Variants in FAT3 observed in about 807,000 individuals in gnomAD.
FAT3 encodes FAT atypical cadherin 3, also known as protocadherin Fat 3.
In FAT3, 95 loss-of-function variants were observed where a neutral mutation model predicts 310.2. That is an observed-to-expected ratio of 0.31 (90% CI 0.26 to 0.36). The LOEUF (loss-of-function observed/expected upper bound fraction) is 0.36. Ranked by LOEUF, FAT3 falls within the 10% of genes least tolerant of loss-of-function variation. The pLI is 1.00. For synonymous variants in FAT3, 2,314 were observed against 2,192.9 expected (o/e 1.06, Z -1.54); for missense variants, 5,408 against 5,715.6 (o/e 0.95, Z 1.74).
chr11:92,550,230 G>C (rs1018101028), intron 3 of FAT3, among the ~76,000 whole-genome samples: 4 of 152,040 alleles, frequency 2.6e-5, no homozygotes, highest in African/African-American at 9.7e-5. Context: ...TTTCCAAAAG[G>C]GGTCTTTTTT....
chr11:92,336,059 C>T (rs1410637403), intron 1 of FAT3: 5 of 504,326 alleles, frequency 9.9e-6, no homozygotes, highest in East Asian at 5.6e-5. Flanking sequence ...GCAACTGGAT[C>T]GTGCTGGGGT....
chr11:92,235,277 TCC>T, intron 1 of FAT3, among the ~76,000 whole-genome samples: 1 of 152,040 alleles, frequency 6.6e-6, no homozygotes, highest in Non-Finnish European at 1.5e-5. Context: ...CCTTTATCTC[TCC>T]CAACCCTCTC....
chr11:92,306,334 C>T (rs546547041), intron 1 of FAT3, among the ~76,000 whole-genome samples: 1 of 150,592 alleles, frequency 6.6e-6, no homozygotes, highest in African/African-American at 2.4e-5. Context: ...TGGGGGTGCT[C>T]TTAGTAGAGT....
chr11:92,258,443 A>G (rs188122512), intron 1 of FAT3, among the ~76,000 whole-genome samples: 85 of 152,228 alleles, frequency 5.6e-4, no homozygotes, highest in African/African-American at 2.0e-3. Flanking sequence ...CACTAGCTGC[A>G]GTCTTGATTG....
intron 2 of FAT3, among the ~76,000 whole-genome samples, chr11:92,419,468 T>A (rs186377866): frequency 6.6e-6 from 1 of 152,282 alleles, no homozygotes; most frequent in East Asian, 1.9e-4. Context: ...TGGTATAGGA[T>A]GCCTAGAACA....
intron 7 of FAT3, among the ~76,000 whole-genome samples, chr11:92,785,094 C>T (rs1030451742): frequency 6.6e-6 from 1 of 152,000 alleles, no homozygotes; most frequent in Non-Finnish European, 1.5e-5. Flanking sequence ...TGTCCCATGT[C>T]CAGCTGACTC....
intron 2 of FAT3, among the ~76,000 whole-genome samples, chr11:92,418,949 T>G (rs1950479643): frequency 6.6e-6 from 1 of 152,114 alleles, no homozygotes; most frequent in South Asian, 2.1e-4. Flanking sequence ...GAAAACATTT[T>G]TATAGTATCT....
At chr11:92,306,617 AT>A (rs1476355088) in intron 1 of FAT3, among the ~76,000 whole-genome samples, 2 of 124,038 alleles carry the variant, frequency 1.6e-5, no homozygotes, top group African/African-American at 6.1e-5. Flanking sequence ...TATATTATAT[AT>A]TTATATTATA....
At chr11:92,335,373 C>T (rs1176043200) in intron 1 of FAT3, among the ~76,000 whole-genome samples, 2 of 151,988 alleles carry the variant, frequency 1.3e-5, no homozygotes, top group Admixed American at 6.6e-5. Context: ...GTTTTGCAAT[C>T]GATTAGATGA....
At chr11:92,306,597 A>G (rs1450192370) in intron 1 of FAT3, among the ~76,000 whole-genome samples, 9 of 123,084 alleles carry the variant, frequency 7.3e-5, no homozygotes, top group African/African-American at 3.0e-4. Flanking sequence ...TATTATATAT[A>G]TTATATATTT....
At chr11:92,403,412 G>T (rs367726579) in intron 2 of FAT3, 2 of 152,108 alleles carry the variant, frequency 1.3e-5, no homozygotes, top group Non-Finnish European at 2.9e-5. Flanking sequence ...AATGTTCTTT[G>T]TAACATTGAG....
intron 1 of FAT3, among the ~76,000 whole-genome samples, chr11:92,225,683 C>T (rs1863875449): frequency 6.6e-6 from 1 of 152,024 alleles, no homozygotes; most frequent in Non-Finnish European, 1.5e-5. Context: ...AGAGAGGGAG[C>T]CCAGCCTCCA....
intron 2 of FAT3, among the ~76,000 whole-genome samples, chr11:92,447,818 G>A (rs1228367187): frequency 6.6e-6 from 1 of 151,966 alleles, no homozygotes. Flanking sequence ...GGCTAATCTT[G>A]TGAGCAGTAG....
chr11:92,478,953 T>TTTCTTTCTTTC (rs373667758), intron 2 of FAT3, among the ~76,000 whole-genome samples: 24 of 103,986 alleles, frequency 2.3e-4, no homozygotes, highest in Non-Finnish European at 3.8e-4. Flanking sequence ...TCTTTCTTTC[T>TTTCTTTCTTTC]TTTCTTTTCT....
chr11:92,382,594 C>T (rs1486555160), intron 2 of FAT3, among the ~76,000 whole-genome samples: 1 of 152,066 alleles, frequency 6.6e-6, no homozygotes. Context: ...ATCCTTCTGC[C>T]ACCATCTAGA....
At chr11:92,857,140 C>A in intron 19 of FAT3, 74 bp from the exon 20 acceptor site, 1 of 1,607,470 alleles carries the variant, frequency 6.2e-7, no homozygotes, top group East Asian at 2.2e-5. Flanking sequence ...TCCCTTTGAA[C>A]CTTTTCTATC....
intron 13 of FAT3, among the ~76,000 whole-genome samples, chr11:92,815,427 G>T (rs765221559): frequency 6.6e-6 from 1 of 151,914 alleles, no homozygotes; most frequent in Non-Finnish European, 1.5e-5. Context: ...CAAAAAATTC[G>T]CCGGGCGTGG....
At chr11:92,616,841 A>C (rs1162718028) in intron 3 of FAT3, among the ~76,000 whole-genome samples, 1 of 152,044 alleles carries the variant, frequency 6.6e-6, no homozygotes, top group East Asian at 1.9e-4. Flanking sequence ...CTGCCGAGAG[A>C]TCTGCTGTTA....
chr11:92,288,983 G>T (rs569431778), intron 1 of FAT3, among the ~76,000 whole-genome samples: 108 of 152,218 alleles, frequency 7.1e-4, no homozygotes, highest in African/African-American at 2.4e-3. Context: ...CCTCAGAACT[G>T]CTGGAGCCTA....
Sources: gnomAD v4.1 joint callset for allele counts (sites outside exome capture counted in the v4.1 genomes callset) on GRCh38, gnomAD v4.1.1 for gene constraint, MANE v1.5 for transcripts, NCBI Gene and HGNC (gene_info 2026-07-23, HGNC 2026-07-21) for gene names.